SLC25A20: variants seen among roughly 807,000 people sequenced by gnomAD.
The protein encoded by SLC25A20 is mitochondrial carnitine/acylcarnitine carrier protein.
In SLC25A20, 29 loss-of-function variants were observed where a neutral mutation model predicts 39.7. The observed-to-expected ratio is 0.73, with a 90% CI of 0.54 to 1.00. SLC25A20 has a LOEUF of 1.00. SLC25A20 is among the 50% of genes least tolerant of loss of function. The probability of loss-of-function intolerance (pLI) is 0.00; values close to 1 mark genes in which losing one functional copy is unlikely to be tolerated. For missense variants in SLC25A20, 333 were observed against 379.9 expected (o/e 0.88, Z 1.03); for synonymous variants, 103 against 142.2 (o/e 0.72, Z 1.96).
chr3:48,897,830 A>G (rs528915496), intron 1 of SLC25A20, among the ~76,000 whole-genome samples: 29 of 152,288 alleles, frequency 1.9e-4, no homozygotes, highest in African/African-American at 6.7e-4. Context: ...ATGACTTGTC[A>G]ATTTCCTTCA....
intron 2 of SLC25A20, among the ~76,000 whole-genome samples, chr3:48,885,955 CAAACA>C (rs1295021436): frequency 5.3e-5 from 8 of 152,002 alleles, no homozygotes; most frequent in Admixed American, 4.6e-4. Flanking sequence ...GATTCAAAGA[CAAACA>C]AAACAAAAGA....
chr3:48,897,758 C>T (rs2083920739), intron 1 of SLC25A20, among the ~76,000 whole-genome samples: 1 of 152,064 alleles, frequency 6.6e-6, no homozygotes, highest in South Asian at 2.1e-4. Context: ...CTAACAAACC[C>T]CCTCACATGG....
At chr3:48,864,128 C>T (rs1439655126) in intron 4 of SLC25A20, among the ~76,000 whole-genome samples, 4 of 150,352 alleles carry the variant, frequency 2.7e-5, no homozygotes, top group African/African-American at 7.3e-5. Flanking sequence ...GGCAGATCAC[C>T]TGAGGCCAGG....
At chr3:48,886,380 C>T (rs1193140167) in intron 2 of SLC25A20, among the ~76,000 whole-genome samples, 2 of 151,670 alleles carry the variant, frequency 1.3e-5, no homozygotes, top group Admixed American at 6.6e-5. Flanking sequence ...CAAAATTAGC[C>T]AGGCGTGGTG....
rs199753606 is a variant in SLC25A20, at chr3:48,891,961, C to T, written c.198+19G>A. On this transcript the variant is annotated intron_variant, in intron 2 of 8. Transcript: ENST00000319017. ...GAATGTGTTCTGAGTAAGAGGAATGCCCAGCACCATATACCAACCTCTCTA... is the reference window on the plus strand; with the variant it reads ...GAATGTGTTCTGAGTAAGAGGAATGTCCAGCACCATATACCAACCTCTCTA... 1.1e-5 allele frequency: 17 copies of T among 1,575,202 alleles called. No homozygotes were observed. Among genetic ancestry groups the T allele is most frequent in the Non-Finnish European group, 1.2e-5 (14 of 1,144,708 alleles).
chr3:48,892,085 G>A lies in SLC25A20; in HGVS notation c.106-13C>T. ...TCTGCAGTCGGACCTGAAAACAGAA[G>A]TTAAAATGCAGTCACCTACCAGAAT... On this transcript the variant is annotated splice_polypyrimidine_tract_variant and intron_variant, in intron 1 of 8. Transcript: ENST00000319017. 6.2e-7 allele frequency: 1 copy of A among 1,609,834 alleles called. No homozygotes were observed. The highest frequency in any genetic ancestry group is 1.1e-5 in the South Asian group (1 of 91,016).
intron 4 of SLC25A20, among the ~76,000 whole-genome samples, chr3:48,878,545 A>C (rs2083778794): frequency 6.6e-6 from 1 of 151,834 alleles, no homozygotes; most frequent in South Asian, 2.1e-4. Flanking sequence ...CACACCTGTT[A>C]TCCCAACACT....
At chr3:48,874,539 A>G (rs1436495128) in intron 4 of SLC25A20, among the ~76,000 whole-genome samples, 1 of 152,092 alleles carries the variant, frequency 6.6e-6, no homozygotes, top group African/African-American at 2.4e-5. Context: ...TTTATCCCAG[A>G]GAAATGGAGA....
At chr3:48,887,330 A>G (rs1428284868) in intron 2 of SLC25A20, among the ~76,000 whole-genome samples, 1 of 152,222 alleles carries the variant, frequency 6.6e-6, no homozygotes, top group Non-Finnish European at 1.5e-5. Context: ...AATCTGGCAC[A>G]GGAAAAACCA....
chr3:48,883,926 A>G (rs1250007270), intron 3 of SLC25A20, 71 bp downstream of exon 3: 2 of 1,590,212 alleles, frequency 1.3e-6, no homozygotes, highest in Non-Finnish European at 8.6e-7. Context: ...GCCCTGCCCA[A>G]GTTTCTTTAT....
intron 8 of SLC25A20, among the ~76,000 whole-genome samples, 196 bp from the exon 9 acceptor site, chr3:48,857,968 C>A (rs1575977344): frequency 7.2e-6 from 1 of 138,264 alleles, no homozygotes; most frequent in South Asian, 2.3e-4. Context: ...CTGCCCACTT[C>A]TTTTTTTTTT....
chr3:48,893,537 T>C (rs2083892136), intron 1 of SLC25A20, among the ~76,000 whole-genome samples: 1 of 151,878 alleles, frequency 6.6e-6, no homozygotes, highest in Non-Finnish European at 1.5e-5. Context: ...CCTGGTCTCT[T>C]TTTATTTATT....
At chr3:48,873,154 G>A (rs2083729297) in intron 4 of SLC25A20, among the ~76,000 whole-genome samples, 1 of 152,036 alleles carries the variant, frequency 6.6e-6, no homozygotes, top group African/African-American at 2.4e-5. Context: ...AATCTGGGAG[G>A]CAGGGGTTGT....
intron 4 of SLC25A20, among the ~76,000 whole-genome samples, chr3:48,876,057 TCCAGG>T (rs2083754358): frequency 1.3e-5 from 2 of 151,490 alleles, no homozygotes; most frequent in Non-Finnish European, 2.9e-5. Flanking sequence ...TTAAAGCCAA[TCCAGG>T]CCAGGCACAG....
chr3:48,866,206 G>A (rs186110314), intron 4 of SLC25A20, among the ~76,000 whole-genome samples: 1 of 152,082 alleles, frequency 6.6e-6, no homozygotes. Context: ...GCAAAAGCCA[G>A]ATTGGAGCAG....
At chr3:48,894,174 A>G (rs1331072741) in intron 1 of SLC25A20, among the ~76,000 whole-genome samples, 1 of 131,436 alleles carries the variant, frequency 7.6e-6, no homozygotes, top group African/African-American at 2.9e-5. Context: ...AAAAAAAAAA[A>G]GAAGAAGATT....
At chr3:48,890,164 C>T (rs1187759418) in intron 2 of SLC25A20, among the ~76,000 whole-genome samples, 4 of 152,166 alleles carry the variant, frequency 2.6e-5, no homozygotes, top group East Asian at 1.9e-4. Flanking sequence ...TCAGTGATCA[C>T]GCTCCTTGTC....
intron 2 of SLC25A20, among the ~76,000 whole-genome samples, chr3:48,889,947 A>C (rs528889993): frequency 1.3e-5 from 2 of 152,328 alleles, no homozygotes; most frequent in South Asian, 4.1e-4. Flanking sequence ...TCACGCCCGC[A>C]TAAGGGCCGC....
intron 3 of SLC25A20, among the ~76,000 whole-genome samples, chr3:48,880,165 C>T (rs2083787248): frequency 6.6e-6 from 1 of 152,188 alleles, no homozygotes; most frequent in African/African-American, 2.4e-5. Context: ...CACTCTGGCC[C>T]CCACAGAATG....
Sources: gnomAD v4.1 joint callset for allele counts (sites outside exome capture counted in the v4.1 genomes callset) on GRCh38, gnomAD v4.1.1 for gene constraint, MANE v1.5 for transcripts, NCBI Gene and HGNC (gene_info 2026-07-23, HGNC 2026-07-21) for gene names.